Variants in ERBB4 observed in about 807,000 individuals in gnomAD.
ERBB4 encodes receptor tyrosine-protein kinase erbB-4.
ERBB4 carries 42 observed loss-of-function variants against 158.0 expected under a neutral mutation model. The ratio of observed to expected loss-of-function variants is 0.27; its 90% CI spans 0.21 to 0.34. The LOEUF is 0.34. Among genes scored for constraint, ERBB4 ranks in the 10% least tolerant of loss-of-function variants. The pLI, the probability that ERBB4 is intolerant of heterozygous loss-of-function variation, is 1.00. For synonymous variants in ERBB4, 583 were observed against 558.7 expected, an observed-to-expected ratio of 1.04 and a Z score of -0.61; for missense variants, 1,333 against 1,624.1, an observed-to-expected ratio of 0.82 and a Z score of 3.08.
chr2:212,204,936 A>C (rs1186543646), intron 1 of ERBB4, among the ~76,000 whole-genome samples: 1 of 148,930 alleles, frequency 6.7e-6, no homozygotes, highest in Non-Finnish European at 1.5e-5. Context: ...CTCCTGCCTC[A>C]GCCTCCCGAG....
chr2:211,539,860 A>G (rs1344880789), intron 20 of ERBB4, among the ~76,000 whole-genome samples: 1 of 151,940 alleles, frequency 6.6e-6, no homozygotes, highest in East Asian at 1.9e-4. Flanking sequence ...GAAAACTTCA[A>G]TTTTTGAAGA....
chr2:211,441,805 T>C (rs2063984249), intron 20 of ERBB4, among the ~76,000 whole-genome samples: 1 of 152,134 alleles, frequency 6.6e-6, no homozygotes, highest in Non-Finnish European at 1.5e-5. Flanking sequence ...TATTTTGTCC[T>C]CAGCTGTATC....
intron 1 of ERBB4, among the ~76,000 whole-genome samples, chr2:212,189,188 G>C (rs2082117798): frequency 6.6e-6 from 1 of 151,862 alleles, no homozygotes; most frequent in Admixed American, 6.6e-5. Flanking sequence ...TGAGCATCAA[G>C]TTGGCATTCA....
At chr2:211,932,177 T>C (rs2080196147) in intron 3 of ERBB4, among the ~76,000 whole-genome samples, 1 of 152,046 alleles carries the variant, frequency 6.6e-6, no homozygotes, top group African/African-American at 2.4e-5. Context: ...GGGTTTGAAT[T>C]CAAATAATAA....
intron 20 of ERBB4, among the ~76,000 whole-genome samples, chr2:211,445,824 C>G (rs558799661): frequency 6.6e-6 from 1 of 152,138 alleles, no homozygotes; most frequent in African/African-American, 2.4e-5. Context: ...ATTCCTCCAC[C>G]CCCAGAGAAT....
intron 3 of ERBB4, among the ~76,000 whole-genome samples, chr2:211,814,816 A>G (rs2076844337): frequency 2.0e-5 from 3 of 152,198 alleles, no homozygotes; most frequent in African/African-American, 7.2e-5. Context: ...TCCCAGCATT[A>G]TTGTGAGTGT....
chr2:212,003,212 A>T (rs796669279), intron 2 of ERBB4, among the ~76,000 whole-genome samples: 1 of 40,484 alleles, frequency 2.5e-5, no homozygotes, highest in Non-Finnish European at 6.7e-5. Context: ...AAAGACAGAA[A>T]GAAGGAAGGA....
At chr2:211,628,459 G>A (rs1326755998) in intron 17 of ERBB4, among the ~76,000 whole-genome samples, 1 of 152,072 alleles carries the variant, frequency 6.6e-6, no homozygotes, top group East Asian at 1.9e-4. Context: ...TGAGAATGAT[G>A]GTTTCCAGCT....
chr2:211,386,936 G>T lies in ERBB4; in HGVS notation c.3398C>A (p.Thr1133Asn). Reference sequence around the variant, plus strand: ...TGGGCTCCGTTCTGGGGCAAACACGGTGGGGTCAGCACTGTACCTCTGGGT... The same window carrying T: ...TGGGCTCCGTTCTGGGGCAAACACGTTGGGGTCAGCACTGTACCTCTGGGT... ...SSTQRYSADP[T>N]VFAPERSPRG... The change falls in exon 27 of 28, where the codon ACC becomes AAC. Residue 1133 changes from threonine to asparagine, a missense_variant. Thr to Asn is a moderately conservative substitution (Grantham distance 65). Around this residue, in one of 5 missense-constraint regions of ERBB4, gnomAD observed 252 missense variants for 241.3 expected, o/e 1.04. Transcript: ENST00000342788. 1 of 1,614,172 alleles carries T rather than the reference G, an allele frequency of 6.2e-7. No homozygotes were observed. Among genetic ancestry groups the T allele is most frequent in the Non-Finnish European group, 8.5e-7 (1 of 1,180,004 alleles).
At chr2:212,132,773 CTA>C (rs1373260441) in intron 1 of ERBB4, among the ~76,000 whole-genome samples, 3 of 151,966 alleles carry the variant, frequency 2.0e-5, no homozygotes, top group African/African-American at 7.3e-5. Context: ...AAATAAATCT[CTA>C]TGTGTGTGTG....
intron 1 of ERBB4, among the ~76,000 whole-genome samples, chr2:212,349,773 C>G (rs987154926): frequency 1.3e-5 from 2 of 151,958 alleles, no homozygotes; most frequent in African/African-American, 4.8e-5. Context: ...TAAAAATATC[C>G]CATAAACTTC....
intron 20 of ERBB4, among the ~76,000 whole-genome samples, chr2:211,544,900 T>C (rs1227830974): frequency 6.6e-6 from 1 of 152,086 alleles, no homozygotes; most frequent in Non-Finnish European, 1.5e-5. Flanking sequence ...ATTGTCATTA[T>C]AGATCTATAT....
At chr2:211,515,311 T>G (rs954807752) in intron 20 of ERBB4, among the ~76,000 whole-genome samples, 1 of 152,002 alleles carries the variant, frequency 6.6e-6, no homozygotes, top group Non-Finnish European at 1.5e-5. Flanking sequence ...ACAGAAGTAA[T>G]AGAAAACCCA....
intron 3 of ERBB4, among the ~76,000 whole-genome samples, chr2:211,827,697 T>A (rs2077133698): frequency 6.6e-6 from 1 of 152,080 alleles, no homozygotes; most frequent in South Asian, 2.1e-4. Context: ...CTCCAATCCA[T>A]CTATATTTGC....
chr2:211,572,812 C>A (rs1257203322), intron 19 of ERBB4, among the ~76,000 whole-genome samples: 1 of 152,184 alleles, frequency 6.6e-6, no homozygotes. Context: ...ATGTAGTCAT[C>A]TTGAACAAGG....
At chr2:211,738,333 C>T (rs2074671598) in intron 5 of ERBB4, among the ~76,000 whole-genome samples, 1 of 149,186 alleles carries the variant, frequency 6.7e-6, no homozygotes, top group African/African-American at 2.5e-5. Context: ...AACTATAATG[C>T]AGTTAAAGTA....
chr2:211,613,887 C>A (rs114391241), intron 19 of ERBB4, among the ~76,000 whole-genome samples: 3,245 of 152,082 alleles, frequency 0.021, 106 homozygotes, highest in African/African-American at 0.074. Context: ...AAAAATTGAG[C>A]TACCATACGA....
chr2:211,397,092 A>T (rs1387489773), intron 25 of ERBB4, among the ~76,000 whole-genome samples: 1 of 152,158 alleles, frequency 6.6e-6, no homozygotes, highest in Non-Finnish European at 1.5e-5. Flanking sequence ...CAACTGATCT[A>T]GGCCAAAAAG....
chr2:211,990,524 A>AATAAATG (rs1340283857), intron 2 of ERBB4, among the ~76,000 whole-genome samples: 42 of 92,718 alleles, frequency 4.5e-4, no homozygotes, highest in African/African-American at 1.3e-3. Flanking sequence ...ATAAAAATAA[A>AATAAATG]AATAAATAAA....
Sources: gnomAD v4.1 joint callset for allele counts (sites outside exome capture counted in the v4.1 genomes callset) on GRCh38, gnomAD v4.1.1 for gene constraint, gnomAD v4.1.1 regional missense constraint, MANE v1.5 for transcripts, NCBI Gene and HGNC (gene_info 2026-07-23, HGNC 2026-07-21) for gene names.